Variants in OR6N1 observed in about 807,000 individuals in gnomAD.
OR6N1 encodes the protein olfactory receptor 6N1.
For missense variants in OR6N1, 394 were observed against 371.7 expected (o/e 1.06, Z -0.49); for synonymous variants, 170 against 150.7 (o/e 1.13, Z -0.94).
the OR6N1 span, among the ~76,000 whole-genome samples, chr1:158,819,860 A>G: frequency 6.6e-6 from 1 of 152,138 alleles, no homozygotes; most frequent in Non-Finnish European, 1.5e-5. Context: ...CAGTCAAAAA[A>G]CTTTGCGCCG....
At chr1:158,793,571 G>T in the OR6N1 span, among the ~76,000 whole-genome samples, 2 of 152,132 alleles carry the variant, frequency 1.3e-5, no homozygotes, top group African/African-American at 2.4e-5. Flanking sequence ...GAGAATCTTT[G>T]TACAGTAACT....
At chr1:158,805,594 T>A in the OR6N1 span, among the ~76,000 whole-genome samples, 2 of 152,126 alleles carry the variant, frequency 1.3e-5, no homozygotes, top group East Asian at 3.9e-4. Context: ...TTATATCTGT[T>A]GAGAAGCTCT....
At chr1:158,827,328 G>A in the OR6N1 span, among the ~76,000 whole-genome samples, 1 of 152,082 alleles carries the variant, frequency 6.6e-6, no homozygotes, top group Non-Finnish European at 1.5e-5. Context: ...CCTACTGCAG[G>A]CTTCTATTTA....
chr1:158,820,419 CT>C, the OR6N1 span, among the ~76,000 whole-genome samples: 1 of 152,150 alleles, frequency 6.6e-6, no homozygotes, highest in African/African-American at 2.4e-5. Flanking sequence ...GTAGCTAACC[CT>C]TTTTTGCCTC....
chr1:158,777,060 T>G, upstream of OR6N1: 3 of 1,614,014 alleles, frequency 1.9e-6, no homozygotes. Flanking sequence ...TGTTAGCAGA[T>G]GTGTCCTTGC....
At chr1:158,784,222 ACT>A in the OR6N1 span, among the ~76,000 whole-genome samples, 2 of 152,156 alleles carry the variant, frequency 1.3e-5, no homozygotes, top group African/African-American at 2.4e-5. Flanking sequence ...TTTTCAGAAC[ACT>A]CTGTATTACT....
the OR6N1 span, among the ~76,000 whole-genome samples, chr1:158,819,115 C>A: frequency 6.6e-6 from 1 of 152,206 alleles, no homozygotes; most frequent in Admixed American, 6.5e-5. Context: ...TAATTATCAA[C>A]ATTTTCTCTT....
At chr1:158,831,781 T>TAAAAATTA in the OR6N1 span, among the ~76,000 whole-genome samples, 5 of 152,194 alleles carry the variant, frequency 3.3e-5, no homozygotes, top group African/African-American at 1.2e-4. Context: ...CAGCAGGTTT[T>TAAAAATTA]AAAAATTAAT....
In OR6N1 at chr1:158,765,402, A is replaced by G. The variant is rs1320657170; in HGVS notation, c.*342T>C. 1 of 186,378 alleles carries G rather than the reference A, an allele frequency of 5.4e-6. No homozygotes were observed. The highest frequency in any genetic ancestry group is 1.1e-5 in the Non-Finnish European group (1 of 89,002). The allele number at this position is 186,378 out of a possible 1,614,324, so 11.5% of individuals were successfully genotyped here. On this transcript the variant is annotated 3_prime_UTR_variant, in exon 2 of 2. Transcript: ENST00000641846. ...GGACATGCCTGACTATATTTATATT[A>G]AGTCAAGTAAATTTGAAAAATGCCT... is the stretch of plus-strand genomic sequence containing the variant.
At position 158,764,326 on chromosome 1, in the gene OR6N1, T is replaced by C. The variant is rs1239491450; in HGVS notation, c.*1418A>G. On this transcript the variant is annotated 3_prime_UTR_variant, in exon 2 of 2. Transcript: ENST00000641846. ...GAAAAAAAAGGAGAATGCATGTTTATCTTAATACTACTTCCCACAATTATA... is the reference window on the plus strand; with the variant it reads ...GAAAAAAAAGGAGAATGCATGTTTACCTTAATACTACTTCCCACAATTATA... 1 of 151,356 alleles carries C rather than the reference T, an allele frequency of 6.6e-6. No homozygotes were observed. Among genetic ancestry groups the C allele is most frequent in the Non-Finnish European group, 1.5e-5 (1 of 67,788 alleles). The allele number at this position is 151,356 out of a possible 1,614,324, so 9.4% of individuals were successfully genotyped here.
the OR6N1 span, among the ~76,000 whole-genome samples, chr1:158,837,289 A>G: frequency 6.6e-6 from 1 of 151,748 alleles, no homozygotes; most frequent in Non-Finnish European, 1.5e-5. Flanking sequence ...TGTTCTACCT[A>G]TTATTGAAAG....
the OR6N1 span, among the ~76,000 whole-genome samples, chr1:158,807,004 A>G: frequency 3.5e-5 from 1 of 28,504 alleles, no homozygotes; most frequent in Admixed American, 3.3e-4. Flanking sequence ...ACGTCATCTC[A>G]AAAAAAAAAA....
In OR6N1 at chr1:158,766,272, G is replaced by C. The variant is rs200988887; in HGVS notation, c.411C>G (p.Thr137=). ...CRPLHYPTLM[T]PTLCAEIAIG... ...TGGCAATCTCTGCACAAAGTGTTGG[G>C]GTCATGAGGGTTGGGTAGTGGAGGG... is the stretch of plus-strand genomic sequence containing the variant. Residue 137 remains threonine, a synonymous_variant, in exon 2 of 2, where the codon ACC becomes ACG. Coordinates refer to ENST00000641846, the MANE Select transcript of OR6N1 (RefSeq NM_001005185.2). 32 of 1,613,950 alleles carry C rather than the reference G, an allele frequency of 2.0e-5. No homozygotes were observed. Among genetic ancestry groups the C allele is most frequent in the Non-Finnish European group, 2.5e-5 (29 of 1,180,022 alleles).
the OR6N1 span, among the ~76,000 whole-genome samples, chr1:158,835,517 T>C: frequency 6.6e-6 from 1 of 151,750 alleles, no homozygotes; most frequent in Admixed American, 6.6e-5. Context: ...TTTGGGACTT[T>C]CCACATATAA....
At chr1:158,808,016 T>C in the OR6N1 span, among the ~76,000 whole-genome samples, 1 of 151,932 alleles carries the variant, frequency 6.6e-6, no homozygotes, top group Non-Finnish European at 1.5e-5. Flanking sequence ...GACCACATGA[T>C]TGACAAGCCA....
At chr1:158,774,358 A>C (rs1015564576), upstream of OR6N1, 1 of 152,216 alleles carries the variant, frequency 6.6e-6, no homozygotes, top group Admixed American at 6.5e-5. Context: ...GAGATAAAAC[A>C]CACAACAAAT....
At chr1:158,793,990 A>G in the OR6N1 span, among the ~76,000 whole-genome samples, 1 of 152,200 alleles carries the variant, frequency 6.6e-6, no homozygotes, top group Admixed American at 6.5e-5. Flanking sequence ...TGTTCCGGCT[A>G]TTCAGATTAG....
the OR6N1 span, among the ~76,000 whole-genome samples, chr1:158,832,709 T>TA: frequency 6.6e-6 from 1 of 151,974 alleles, no homozygotes; most frequent in African/African-American, 2.4e-5. Flanking sequence ...TAAGCTACAC[T>TA]ATTTTTCCTA....
chr1:158,772,590 G>A (rs963001443), upstream of OR6N1, among the ~76,000 whole-genome samples: 1 of 152,158 alleles, frequency 6.6e-6, no homozygotes, highest in African/African-American at 2.4e-5. Context: ...AAAGGGTGAG[G>A]ACAGGGAGAC....
Sources: gnomAD v4.1 joint callset for allele counts (sites outside exome capture counted in the v4.1 genomes callset) on GRCh38, gnomAD v4.1.1 for gene constraint, MANE v1.5 for transcripts, NCBI Gene and HGNC (gene_info 2026-07-23, HGNC 2026-07-21) for gene names.